PTGR2: variants seen among roughly 807,000 people sequenced by gnomAD.
PTGR2 encodes prostaglandin reductase 2, also known as 15-oxoprostaglandin 13-reductase.
PTGR2 carries 32 observed loss-of-function variants against 43.4 expected under a neutral mutation model. The ratio of observed to expected loss-of-function variants is 0.74; its 90% confidence interval spans 0.56 to 0.99. The LOEUF is 0.99. Among genes scored for constraint, PTGR2 ranks in the 50% least tolerant of loss-of-function variants. The probability of loss-of-function intolerance (pLI) is 0.00; values close to 1 mark genes in which losing one functional copy is unlikely to be tolerated. For synonymous variants in PTGR2, 106 were observed against 139.2 expected (o/e 0.76, Z 1.68); for missense variants, 373 against 420.0 (o/e 0.89, Z 0.98).
intron 3 of PTGR2, among the ~76,000 whole-genome samples, chr14:73,862,871 C>A (rs1386955544): frequency 2.0e-5 from 3 of 151,978 alleles, no homozygotes; most frequent in Non-Finnish European, 4.4e-5. Flanking sequence ...CCACACCCGG[C>A]TAATTTTTTT....
At chr14:73,876,951 A>G in intron 4 of PTGR2, 47 bp from the exon 5 acceptor site, 6 of 1,470,386 alleles carry the variant, frequency 4.1e-6, no homozygotes, top group Non-Finnish European at 5.6e-6. Context: ...TTGTTGTCTC[A>G]AAACAGGAAT....
chr14:73,859,211 G>A (rs1489890909), intron 2 of PTGR2, among the ~76,000 whole-genome samples: 1 of 152,096 alleles, frequency 6.6e-6, no homozygotes, highest in Non-Finnish European at 1.5e-5. Flanking sequence ...TTTCTTTAGA[G>A]TATGTTATTA....
chr14:73,883,166 G>GC (rs1404854539), intron 9 of PTGR2, among the ~76,000 whole-genome samples: 2 of 119,696 alleles, frequency 1.7e-5, no homozygotes, highest in African/African-American at 6.4e-5. Flanking sequence ...CCCCTTCCCT[G>GC]CCCTTCCCTC....
chr14:73,874,281 T>G, intron 4 of PTGR2, 67 bp downstream of exon 4: 1 of 1,233,782 alleles, frequency 8.1e-7, no homozygotes, highest in Non-Finnish European at 1.1e-6. Flanking sequence ...CATTTGATAT[T>G]CAGTTGTGTT....
intron 2 of PTGR2, among the ~76,000 whole-genome samples, chr14:73,860,001 A>G (rs1389148334): frequency 6.6e-6 from 1 of 151,644 alleles, no homozygotes; most frequent in African/African-American, 2.4e-5. Context: ...GGCGTGCGCC[A>G]CCACGCCTGG....
At chr14:73,872,226 A>G (rs955377618) in intron 3 of PTGR2, among the ~76,000 whole-genome samples, 5 of 152,132 alleles carry the variant, frequency 3.3e-5, no homozygotes, top group African/African-American at 1.2e-4. Context: ...GGGTGAAGAG[A>G]GCACTTATCT....
chr14:73,882,618 A>T (rs2055016422), intron 9 of PTGR2, among the ~76,000 whole-genome samples, 180 bp downstream of exon 9: 1 of 151,896 alleles, frequency 6.6e-6, no homozygotes, highest in African/African-American at 2.4e-5. Context: ...CTCCTGCCTC[A>T]GCCTCCCAAG....
chr14:73,876,241 A>G (rs1312993009), intron 4 of PTGR2, among the ~76,000 whole-genome samples: 2 of 152,216 alleles, frequency 1.3e-5, no homozygotes, highest in African/African-American at 4.8e-5. Context: ...GTTATTTATT[A>G]TACTGATGGA....
chr14:73,862,939 C>G (rs557345603), intron 3 of PTGR2, among the ~76,000 whole-genome samples: 1 of 152,054 alleles, frequency 6.6e-6, no homozygotes, highest in Non-Finnish European at 1.5e-5. Flanking sequence ...AACTCCTGGA[C>G]TCAAGCAATA....
chr14:73,853,295 T>C (rs978776569), intron 1 of PTGR2, among the ~76,000 whole-genome samples: 5 of 152,050 alleles, frequency 3.3e-5, no homozygotes, highest in Admixed American at 2.0e-4. Context: ...GGGCGAATTA[T>C]TCTCTTTCTG....
At chr14:73,860,918 A>C (rs1008701) in intron 3 of PTGR2, among the ~76,000 whole-genome samples, 10,357 of 152,234 alleles carry the variant, frequency 0.068, 877 homozygotes, top group East Asian at 0.44. Flanking sequence ...GTAGTAAATA[A>C]AGCTTGAAGA....
intron 1 of PTGR2, among the ~76,000 whole-genome samples, chr14:73,855,131 T>A (rs2054315312): frequency 6.6e-6 from 1 of 152,232 alleles, no homozygotes; most frequent in Non-Finnish European, 1.5e-5. Context: ...ATGAACCAAC[T>A]GTAAAAAGAC....
intron 3 of PTGR2, among the ~76,000 whole-genome samples, chr14:73,863,889 T>G (rs1305201644): frequency 4.6e-5 from 7 of 152,148 alleles, no homozygotes; most frequent in Non-Finnish European, 7.3e-5. Flanking sequence ...GTGCTAGGAT[T>G]ACAGGTGTGA....
At chr14:73,865,330 GAGA>G (rs1419682021) in intron 3 of PTGR2, among the ~76,000 whole-genome samples, 3 of 152,186 alleles carry the variant, frequency 2.0e-5, no homozygotes, top group South Asian at 2.1e-4. Context: ...CAGAGGGCAG[GAGA>G]AGAAGGGTGT....
intron 3 of PTGR2, among the ~76,000 whole-genome samples, chr14:73,870,382 G>A: frequency 6.6e-6 from 1 of 151,952 alleles, no homozygotes; most frequent in South Asian, 2.1e-4. Context: ...GTTTCGCCAT[G>A]TTGGCCAGGC....
chr14:73,861,619 C>G (rs1349261918), intron 3 of PTGR2: 1 of 152,098 alleles, frequency 6.6e-6, no homozygotes, highest in Admixed American at 6.6e-5. Context: ...GCCTGTAGTC[C>G]TAGCTACTCG....
chr14:73,872,620 C>CA (rs2054762465), intron 3 of PTGR2, among the ~76,000 whole-genome samples: 2 of 152,144 alleles, frequency 1.3e-5, no homozygotes, highest in Non-Finnish European at 2.9e-5. Flanking sequence ...TTGGAATACT[C>CA]ACAGAGCTTT....
At chr14:73,879,958 A>C in intron 6 of PTGR2, 97 bp from the exon 7 acceptor site, 1 of 1,256,070 alleles carries the variant, frequency 8.0e-7, no homozygotes, top group Non-Finnish European at 1.1e-6. Context: ...ACTAGTTGAC[A>C]GAAAGGATTA....
At chr14:73,867,099 A>C (rs1335729425) in intron 3 of PTGR2, among the ~76,000 whole-genome samples, 1 of 146,802 alleles carries the variant, frequency 6.8e-6, no homozygotes, top group Non-Finnish European at 1.5e-5. Context: ...AAAAAAAAAA[A>C]AAAAAAAAAC....
Sources: allele counts gnomAD v4.1 joint callset (sites outside exome capture counted in the v4.1 genomes callset), GRCh38; gene constraint gnomAD v4.1.1; transcripts MANE v1.5; gene names NCBI Gene and HGNC (gene_info 2026-07-23, HGNC 2026-07-21).